Variants in MIB1 observed in about 807,000 individuals in gnomAD.
MIB1 encodes E3 ubiquitin-protein ligase MIB1.
A neutral mutation model predicts 124.5 loss-of-function variants in MIB1; 278 were observed. The observed-to-expected ratio is 2.23, with a 90% confidence interval of 2.02 to 2.47. The LOEUF (loss-of-function observed/expected upper bound fraction) is 2.47. Among genes scored for constraint, MIB1 ranks in the 30% most tolerant of loss-of-function variants. The pLI is 0.00. For synonymous variants in MIB1, 446 were observed against 429.4 expected, an observed-to-expected ratio of 1.04 and a Z score of -0.48; for missense variants, 957 against 1,254.4, an observed-to-expected ratio of 0.76 and a Z score of 3.58.
chr18:21,778,409 T>A (rs1472986366), intron 5 of MIB1, among the ~76,000 whole-genome samples: 1 of 152,234 alleles, frequency 6.6e-6, no homozygotes, highest in African/African-American at 2.4e-5. Context: ...TTGAAACTTT[T>A]ATGTTTTAAC....
intron 1 of MIB1, among the ~76,000 whole-genome samples, chr18:21,718,560 A>G (rs1392798980): frequency 1.3e-5 from 2 of 152,214 alleles, no homozygotes; most frequent in Non-Finnish European, 2.9e-5. Flanking sequence ...CTGCAAACAC[A>G]CAAGAGACAT....
intron 12 of MIB1, among the ~76,000 whole-genome samples, chr18:21,823,728 T>A (rs2041899931): frequency 6.6e-6 from 1 of 152,202 alleles, no homozygotes; most frequent in Admixed American, 6.5e-5. Context: ...GCATTTTAAG[T>A]AGAAATTACA....
rs540311236 is a variant in MIB1, at chr18:21,718,406, A to T, written n.167+13283A>T. Among the ~76,000 whole-genome samples, 8 of 152,262 alleles carry T rather than the reference A, an allele frequency of 5.3e-5. 1 individual carries two copies. The South Asian group carries it at 1.4e-3, about 28-fold the overall frequency. ...ACCTATGGAAATAAAACATTTTTTT[A>T]AAAAAGAAAGAAAAAAATAGCTGGT... On this transcript the variant is annotated intron_variant and non_coding_transcript_variant, in intron 1 of 20. Transcript: ENST00000578646.
intron 7 of MIB1, among the ~76,000 whole-genome samples, chr18:21,796,140 G>A (rs1037167649): frequency 1.4e-5 from 2 of 144,820 alleles, no homozygotes; most frequent in Non-Finnish European, 1.5e-5. Flanking sequence ...TTGTAAATTT[G>A]TTTAAGTTCC....
intron 9 of MIB1, 43 bp downstream of exon 9, chr18:21,800,017 A>C (rs557732720): frequency 6.5e-7 from 1 of 1,540,572 alleles, no homozygotes; most frequent in African/African-American, 1.4e-5. Context: ...AAAAAGTAGA[A>C]TAGTATAATG....
upstream of MIB1, among the ~76,000 whole-genome samples, chr18:21,736,924 C>T (rs966326545): frequency 6.6e-6 from 1 of 152,284 alleles, no homozygotes; most frequent in East Asian, 1.9e-4. Flanking sequence ...GAGAATGGAA[C>T]CAAGTTGGAA....
intron 16 of MIB1, 139 bp from the exon 17 acceptor site, chr18:21,849,057 A>C (rs2042159306): frequency 5.6e-6 from 3 of 539,494 alleles, no homozygotes. Context: ...TTAATGTTTC[A>C]CATACAGATG....
At chr18:21,832,976 T>C (rs777282010) in intron 12 of MIB1, among the ~76,000 whole-genome samples, 8 of 152,250 alleles carry the variant, frequency 5.3e-5, no homozygotes, top group Non-Finnish European at 1.0e-4. Flanking sequence ...TTTATAAATA[T>C]TAACTCATTT....
chr18:21,726,441 A>C (rs2040742702), intron 1 of MIB1, among the ~76,000 whole-genome samples: 1 of 152,182 alleles, frequency 6.6e-6, no homozygotes, highest in African/African-American at 2.4e-5. Context: ...GACAGAATGA[A>C]AACAGTTCAA....
chr18:21,827,755 A>G (rs1433661428), intron 12 of MIB1: 1 of 152,062 alleles, frequency 6.6e-6, no homozygotes, highest in Non-Finnish European at 1.5e-5. Flanking sequence ...TGTGTAAGTC[A>G]TTCTCATTCT....
At chr18:21,732,454 T>TA (rs1383881759) in intron 1 of MIB1, among the ~76,000 whole-genome samples, 1 of 151,050 alleles carries the variant, frequency 6.6e-6, no homozygotes, top group Non-Finnish European at 1.5e-5. Context: ...CAGAGTGCAG[T>TA]AGCATGATCT....
At chr18:21,846,073 G>A (rs1388689932) in intron 15 of MIB1, among the ~76,000 whole-genome samples, 1 of 152,130 alleles carries the variant, frequency 6.6e-6, no homozygotes, top group African/African-American at 2.4e-5. Context: ...CTTAATTACT[G>A]TCTACATAAT....
rs776356099 is a variant in MIB1 at position 21,849,334 on chromosome 18, T to G, written c.2532T>G (p.Ser844=). Residue 844 remains serine (S), a synonymous_variant, in exon 17 of 21, where the codon TCT becomes TCG. Coordinates refer to ENST00000261537, the MANE Select transcript of MIB1 (RefSeq NM_020774.4). ...ATATTGCTACCTGTTCTTTATGTTCTCCACGTGTCAAGAAATGCCTCATCT... is the reference window on the plus strand; with the variant it reads ...ATATTGCTACCTGTTCTTTATGTTCGCCACGTGTCAAGAAATGCCTCATCT... ...CGHIATCSLC[S]PRVKKCLICK... 3.1e-6 allele frequency: 5 copies of G among 1,613,022 alleles called. No individual in the cohort carries two copies. Among genetic ancestry groups the G allele is most frequent in the Admixed American group, 3.3e-5 (2 of 59,918 alleles).
intron 1 of MIB1, among the ~76,000 whole-genome samples, chr18:21,712,886 A>G (rs1480202154): frequency 1.3e-5 from 2 of 152,238 alleles, no homozygotes; most frequent in Non-Finnish European, 2.9e-5. Flanking sequence ...AAAATCATTT[A>G]AAGATTAATA....
intron 6 of MIB1, among the ~76,000 whole-genome samples, chr18:21,782,996 A>G (rs2041387982): frequency 6.6e-6 from 1 of 152,144 alleles, no homozygotes; most frequent in Non-Finnish European, 1.5e-5. Flanking sequence ...CTTTTGCTGA[A>G]TTGACCACTT....
rs760908907 is a variant in MIB1, at chr18:21,765,932, G to A, written c.390G>A (p.Pro130=). The change falls in exon 2 of 21, where the codon CCG becomes CCA. Residue 130 remains proline (P), a synonymous_variant. Transcript: ENST00000261537. The part of the protein sequence containing the change: ...LRHRFYRITT[P]GSERVLLESR... ...ATCGCTTTTACCGAATTACTACACC[G>A]GGAAGTGAGAGGTAGGGAGAACCCT... The A allele has an allele frequency of 1.4e-5, 22 of 1,613,782 alleles. No individual in the cohort carries two copies. The highest frequency in any genetic ancestry group is 2.7e-5 in the African/African-American group (2 of 74,910).
chr18:21,788,053 A>T (rs1159965400), intron 6 of MIB1, among the ~76,000 whole-genome samples: 1 of 152,092 alleles, frequency 6.6e-6, no homozygotes, highest in Non-Finnish European at 1.5e-5. Flanking sequence ...TTATATATGC[A>T]TATACTCTTC....
At chr18:21,766,002 C>A in intron 2 of MIB1, 59 bp downstream of exon 2, 1 of 1,497,994 alleles carries the variant, frequency 6.7e-7, no homozygotes, top group Non-Finnish European at 9.3e-7. Flanking sequence ...AAGTTATGTA[C>A]TTCTGGGCCT....
At chr18:21,786,320 A>G (rs751508784) in intron 6 of MIB1, among the ~76,000 whole-genome samples, 5 of 152,090 alleles carry the variant, frequency 3.3e-5, no homozygotes, top group Non-Finnish European at 7.4e-5. Flanking sequence ...GATGGTCTCA[A>G]TCTCCTGACC....
Sources: allele counts gnomAD v4.1 joint callset (sites outside exome capture counted in the v4.1 genomes callset), GRCh38; gene constraint gnomAD v4.1.1; transcripts MANE v1.5; gene names NCBI Gene and HGNC (gene_info 2026-07-23, HGNC 2026-07-21).